The following TAFA1 variants were observed in gnomAD, a reference collection of about 807,000 sequenced individuals.
The protein encoded by TAFA1 is TAFA chemokine like family member 1.
Under a neutral mutation model 18.5 loss-of-function variants are expected in TAFA1, and 4 were observed. The ratio of observed to expected loss-of-function variants is 0.22; its 90% CI spans 0.11 to 0.49. The LOEUF (loss-of-function observed/expected upper bound fraction) is 0.49, where lower values mean the gene tolerates loss of function less well. Ranked by LOEUF, TAFA1 falls within the 20% of genes least tolerant of loss-of-function variation. TAFA1 has a pLI of 0.98. For missense variants in TAFA1, 147 were observed against 169.0 expected, an observed-to-expected ratio of 0.87 and a Z score of 0.72; for synonymous variants, 56 against 55.2, an observed-to-expected ratio of 1.01 and a Z score of -0.06.
chr3:68,382,293 A>G (rs1359129817), intron 2 of TAFA1, among the ~76,000 whole-genome samples: 1 of 152,176 alleles, frequency 6.6e-6, no homozygotes, highest in Non-Finnish European at 1.5e-5. Context: ...CTGGCCTCAT[A>G]AAATGAGTTA....
chr3:68,144,970 T>A, intron 2 of TAFA1: 1 of 1,044,232 alleles, frequency 9.6e-7, no homozygotes, highest in Non-Finnish European at 1.5e-6. Flanking sequence ...TAAAGTGGCA[T>A]CAAGATGCCT....
chr3:68,224,958 G>T (rs895218844), intron 2 of TAFA1, among the ~76,000 whole-genome samples: 3 of 132,282 alleles, frequency 2.3e-5, no homozygotes, highest in Non-Finnish European at 4.6e-5. Flanking sequence ...ACCTAGGCTG[G>T]AGTACAGTGG....
intron 3 of TAFA1, among the ~76,000 whole-genome samples, chr3:68,505,644 T>G (rs2072735539): frequency 6.6e-6 from 1 of 152,104 alleles, no homozygotes; most frequent in Non-Finnish European, 1.5e-5. Context: ...AGAAATTATT[T>G]CCTTGCAGAT....
At chr3:68,154,522 A>G (rs1559540268) in intron 2 of TAFA1, among the ~76,000 whole-genome samples, 2 of 152,192 alleles carry the variant, frequency 1.3e-5, no homozygotes, top group Non-Finnish European at 2.9e-5. Flanking sequence ...AGCTTATAAT[A>G]TTGCAGCTGG....
chr3:68,073,445 C>T (rs962639918), intron 2 of TAFA1, among the ~76,000 whole-genome samples: 5 of 152,192 alleles, frequency 3.3e-5, no homozygotes, highest in Admixed American at 3.3e-4. Flanking sequence ...AATATGTCCC[C>T]CACCTCCTAA....
At chr3:68,037,197 C>T (rs1705070487) in intron 2 of TAFA1, among the ~76,000 whole-genome samples, 1 of 152,060 alleles carries the variant, frequency 6.6e-6, no homozygotes, top group African/African-American at 2.4e-5. Context: ...GAAGAAAGAA[C>T]AAGTAGAAAG....
At chr3:68,488,350 G>A (rs938378137) in intron 3 of TAFA1, among the ~76,000 whole-genome samples, 2 of 152,172 alleles carry the variant, frequency 1.3e-5, no homozygotes, top group African/African-American at 2.4e-5. Flanking sequence ...TTCTAGCCAC[G>A]CTGGCAGCTG....
intron 2 of TAFA1, among the ~76,000 whole-genome samples, chr3:68,179,136 T>A (rs1279073344): frequency 6.6e-6 from 1 of 152,228 alleles, no homozygotes; most frequent in Non-Finnish European, 1.5e-5. Flanking sequence ...ACACACATCA[T>A]CATTCATAAT....
At chr3:68,374,331 T>C (rs1435509808) in intron 2 of TAFA1, among the ~76,000 whole-genome samples, 1 of 152,146 alleles carries the variant, frequency 6.6e-6, no homozygotes, top group African/African-American at 2.4e-5. Context: ...GGTGACCATA[T>C]GGATGGAGCA....
At chr3:68,310,584 T>C (rs2068498221) in intron 2 of TAFA1, among the ~76,000 whole-genome samples, 2 of 152,176 alleles carry the variant, frequency 1.3e-5, no homozygotes, top group African/African-American at 2.4e-5. Flanking sequence ...TTATAATTCA[T>C]ATAAACACTA....
At chr3:68,079,924 C>G (rs1299029164) in intron 2 of TAFA1, among the ~76,000 whole-genome samples, 1 of 151,878 alleles carries the variant, frequency 6.6e-6, no homozygotes, top group East Asian at 1.9e-4. Context: ...GTTAAAGTCT[C>G]CCATTATTAA....
At chr3:68,224,154 T>C (rs1396290572) in intron 2 of TAFA1, among the ~76,000 whole-genome samples, 1 of 152,002 alleles carries the variant, frequency 6.6e-6, no homozygotes, top group East Asian at 1.9e-4. Flanking sequence ...TTTAGAAAGA[T>C]TTAAATGCAT....
chr3:68,387,928 C>A (rs962378873), intron 2 of TAFA1, among the ~76,000 whole-genome samples: 11 of 152,162 alleles, frequency 7.2e-5, no homozygotes, highest in African/African-American at 1.9e-4. Context: ...TAAACCATTT[C>A]TGACTATATC....
At position 68,474,546 on chromosome 3, in the gene TAFA1, A is replaced by T. The variant is rs368055974; in HGVS notation, c.259+57126A>T. Reference sequence around the variant, plus strand: ...GTCAAACTCACTAAGGTATGAACTCAATGTGCAGACTTGGTCTCTAGTAAC... The same window carrying T: ...GTCAAACTCACTAAGGTATGAACTCTATGTGCAGACTTGGTCTCTAGTAAC... On this transcript the variant is annotated intron_variant, in intron 3 of 4. Coordinates refer to ENST00000478136, the MANE Select transcript of TAFA1 (RefSeq NM_213609.4). 4.6e-5 allele frequency among the ~76,000 whole-genome samples: 7 copies of T among 152,362 alleles called. No individual in the cohort carries two copies. In the East Asian group the frequency reaches 1.4e-3, roughly 29 times the overall value.
At chr3:68,439,928 T>C (rs1200468147) in intron 3 of TAFA1, among the ~76,000 whole-genome samples, 1 of 152,124 alleles carries the variant, frequency 6.6e-6, no homozygotes, top group Non-Finnish European at 1.5e-5. Flanking sequence ...ATGCCTAACA[T>C]AATACAACTT....
chr3:68,100,366 G>A (rs1244017526), intron 2 of TAFA1, among the ~76,000 whole-genome samples: 3 of 151,884 alleles, frequency 2.0e-5, no homozygotes, highest in African/African-American at 7.3e-5. Context: ...GGCCTGTAAT[G>A]CTGGCTACTT....
At chr3:68,155,276 A>G (rs2065853776) in intron 2 of TAFA1, among the ~76,000 whole-genome samples, 1 of 152,186 alleles carries the variant, frequency 6.6e-6, no homozygotes, top group Admixed American at 6.5e-5. Flanking sequence ...TAACTATGAC[A>G]TTCTCAGTAG....
chr3:68,443,209 C>A (rs886256311), intron 3 of TAFA1, among the ~76,000 whole-genome samples: 2 of 152,082 alleles, frequency 1.3e-5, no homozygotes, highest in African/African-American at 4.8e-5. Context: ...CTGGGTAAGA[C>A]AGCCTCTTCC....
intron 2 of TAFA1, among the ~76,000 whole-genome samples, chr3:68,399,740 C>A (rs1355137977): frequency 6.6e-6 from 1 of 152,156 alleles, no homozygotes. Context: ...ATTATTCAGT[C>A]CTCATATCTA....
Sources: allele counts gnomAD v4.1 joint callset (sites outside exome capture counted in the v4.1 genomes callset), GRCh38; gene constraint gnomAD v4.1.1; transcripts MANE v1.5; gene names NCBI Gene and HGNC (gene_info 2026-07-23, HGNC 2026-07-21).